Variants in AGBL3 observed in about 807,000 individuals in gnomAD.
AGBL3 encodes the protein AGBL carboxypeptidase 3.
In AGBL3, 68 loss-of-function variants were observed where a neutral mutation model predicts 94.5. The ratio of observed to expected loss-of-function variants is 0.72; its 90% CI spans 0.59 to 0.88. The LOEUF is 0.88. Among genes scored for constraint, AGBL3 ranks in the 40% least tolerant of loss-of-function variants. The pLI is 0.00. For missense variants in AGBL3, 934 were observed against 1,103.8 expected (o/e 0.85, Z 2.18); for synonymous variants, 354 against 370.7 (o/e 0.95, Z 0.52).
intron 15 of AGBL3, among the ~76,000 whole-genome samples, chr7:135,107,763 A>G (rs2117097779): frequency 6.6e-6 from 1 of 152,276 alleles, no homozygotes; most frequent in African/African-American, 2.4e-5. Flanking sequence ...CACATCCTGA[A>G]TATCTTTGTG....
At chr7:135,129,705 C>G in intron 16 of AGBL3, 1 of 759,982 alleles carries the variant, frequency 1.3e-6, no homozygotes, top group Middle Eastern at 3.9e-4. Flanking sequence ...AACTACTGCT[C>G]AAGATATGGA....
intron 3 of AGBL3, among the ~76,000 whole-genome samples, chr7:134,991,571 A>T (rs1355450160): frequency 7.2e-5 from 11 of 152,224 alleles, no homozygotes; most frequent in African/African-American, 2.6e-4. Flanking sequence ...TTGCCATATC[A>T]TATCACCTAA....
intron 15 of AGBL3, chr7:135,092,637 G>A (rs760873477): frequency 5.3e-5 from 8 of 152,100 alleles, no homozygotes; most frequent in Non-Finnish European, 1.2e-4. Context: ...ATTGTGTTAT[G>A]GGGTTACATC....
intron 15 of AGBL3, chr7:135,092,818 C>T (rs1171329766): frequency 6.6e-6 from 1 of 151,710 alleles, no homozygotes; most frequent in Non-Finnish European, 1.5e-5. Flanking sequence ...GGATTATACA[C>T]AATGACCAAA....
At chr7:135,031,824 A>G (rs73456232) in intron 5 of AGBL3, among the ~76,000 whole-genome samples, 3,795 of 152,260 alleles carry the variant, frequency 0.025, 153 homozygotes, top group African/African-American at 0.082. Context: ...AATATATCCC[A>G]GAAGTGTATG....
At chr7:135,082,492 CTAA>C (rs142477737) in intron 15 of AGBL3, among the ~76,000 whole-genome samples, 7,645 of 152,180 alleles carry the variant, frequency 0.05, 257 homozygotes, top group Non-Finnish European at 0.08. Context: ...CAGATGTTGT[CTAA>C]TGAGTGCAAA....
At chr7:135,110,280 G>A (rs140703971) in intron 15 of AGBL3, among the ~76,000 whole-genome samples, 82 of 152,282 alleles carry the variant, frequency 5.4e-4, no homozygotes, top group Admixed American at 2.1e-3. Flanking sequence ...ATCTGCAGAC[G>A]GTCACTGCTC....
At chr7:135,019,668 C>T (rs1318546455) in intron 5 of AGBL3, among the ~76,000 whole-genome samples, 1 of 152,158 alleles carries the variant, frequency 6.6e-6, no homozygotes, top group Admixed American at 6.5e-5. Context: ...TCAAACTATA[C>T]TACAAGGCTA....
At position 134,993,499 on chromosome 7, in the gene AGBL3, C is replaced by G. The variant is rs148391971; in HGVS notation, c.131C>G (p.Ser44Cys). Residue 44 changes from serine (S) to cysteine (C), a missense_variant, in exon 4 of 17, where the codon TCT becomes TGT. Physicochemically the swap from Ser to Cys is moderately radical, Grantham distance 112. Transcript: ENST00000436302. ...LHRCALLTAD[S>C]FGDPFFPRTT... ...GTTTGAATCTTTTTCTCAGCTGACTCTTTTGGTGATCCCTTCTTCCCCCGG... is the reference window on the plus strand; with the variant it reads ...GTTTGAATCTTTTTCTCAGCTGACTGTTTTGGTGATCCCTTCTTCCCCCGG... The G allele has an allele frequency of 4.8e-4, 749 of 1,544,608 alleles. 4 individuals carry two copies. The African/African-American group carries it at 8.6e-3, about 18-fold the overall frequency.
At chr7:135,029,422 T>C (rs755224383) in intron 5 of AGBL3, among the ~76,000 whole-genome samples, 22 of 152,362 alleles carry the variant, frequency 1.4e-4, no homozygotes, top group Middle Eastern at 3.4e-3. Context: ...GTTATTAATA[T>C]GGCTTCTTTA....
intron 16 of AGBL3, among the ~76,000 whole-genome samples, chr7:135,122,576 A>G (rs1827286124): frequency 6.6e-6 from 1 of 152,142 alleles, no homozygotes; most frequent in Admixed American, 6.5e-5. Context: ...CTGCCACCCA[A>G]CTGGGTAAGA....
intron 15 of AGBL3, among the ~76,000 whole-genome samples, chr7:135,086,621 T>C (rs922124541): frequency 5.9e-5 from 9 of 152,024 alleles, no homozygotes; most frequent in African/African-American, 1.9e-4. Context: ...ATCACATTTA[T>C]TAATGTATCA....
chr7:135,118,560 G>A (rs1299430837), intron 16 of AGBL3, among the ~76,000 whole-genome samples: 1 of 152,102 alleles, frequency 6.6e-6, no homozygotes, highest in Non-Finnish European at 1.5e-5. Flanking sequence ...CCAAAACAGA[G>A]GGTTTACATA....
At chr7:135,128,874 G>A (rs1828330089) in intron 16 of AGBL3, 2 of 1,314,124 alleles carry the variant, frequency 1.5e-6, no homozygotes, top group Non-Finnish European at 2.2e-6. Flanking sequence ...GGAAATCTTG[G>A]ACTTTGATCA....
In AGBL3 at chr7:135,097,797, C is replaced by T. The variant is rs535654659; in HGVS notation, c.2110+16007C>T. Among the ~76,000 whole-genome samples, 14 of 152,026 alleles carry T rather than the reference C, an allele frequency of 9.2e-5. 1 individual carries two copies. The highest frequency in any genetic ancestry group is 4.2e-4 in the South Asian group (2 of 4,810). On this transcript the variant is annotated intron_variant, in intron 15 of 16. Coordinates refer to ENST00000436302, the MANE Select transcript of AGBL3 (RefSeq NM_178563.4). ...TATTATATGTAGGTTGTGACAAAGA[C>T]GTGTATGGTAAAAAATGACATTTGG...
At chr7:135,026,244 ATTATTTTATTTTATT>A (rs1554497685) in intron 5 of AGBL3, among the ~76,000 whole-genome samples, 30 of 81,476 alleles carry the variant, frequency 3.7e-4, no homozygotes, top group Middle Eastern at 6.5e-3. Flanking sequence ...AATGAATACC[ATTATTTTATTTTATT>A]TTATTTTATT....
intron 4 of AGBL3, chr7:135,010,305 TG>T (rs1286168896): frequency 6.2e-5 from 16 of 258,046 alleles, no homozygotes; most frequent in South Asian, 1.1e-4. Context: ...GGTTTTTTTT[TG>T]TTGTTTTTTT....
At chr7:135,067,957 C>T (rs565238316) in intron 12 of AGBL3, among the ~76,000 whole-genome samples, 25 of 152,138 alleles carry the variant, frequency 1.6e-4, no homozygotes, top group East Asian at 3.9e-4. Context: ...GGAGGAAGTT[C>T]GAACCCATGG....
intron 12 of AGBL3, among the ~76,000 whole-genome samples, chr7:135,070,912 A>G (rs965577483): frequency 1.1e-4 from 17 of 152,046 alleles, no homozygotes; most frequent in African/African-American, 4.1e-4. Flanking sequence ...AGGGTATTCA[A>G]TTAGGAAAAG....
Sources: allele counts gnomAD v4.1 joint callset (sites outside exome capture counted in the v4.1 genomes callset), GRCh38; gene constraint gnomAD v4.1.1; transcripts MANE v1.5; gene names NCBI Gene and HGNC (gene_info 2026-07-23, HGNC 2026-07-21).